The following WAPL variants were observed in gnomAD, a reference collection of about 807,000 sequenced individuals.
WAPL encodes the protein WAPL cohesin release factor, also known as wings apart-like protein homolog.
WAPL carries 5 observed loss-of-function variants against 121.0 expected under a neutral mutation model. The observed-to-expected ratio is 0.04, with a 90% CI of 0.02 to 0.09. WAPL has a LOEUF of 0.09. WAPL is among the 10% of genes least tolerant of loss of function. The pLI, the probability that WAPL is intolerant of heterozygous loss-of-function variation, is 1.00. For missense variants in WAPL, 999 were observed against 1,410.8 expected, an observed-to-expected ratio of 0.71 and a Z score of 4.68; for synonymous variants, 480 against 481.5, an observed-to-expected ratio of 1.00 and a Z score of 0.04.
intron 2 of WAPL, among the ~76,000 whole-genome samples, chr10:86,505,158 G>T (rs897821148): frequency 6.9e-6 from 1 of 145,038 alleles, no homozygotes; most frequent in Non-Finnish European, 1.5e-5. Context: ...AAGCTGTAGA[G>T]TTTTTTTTTC....
At position 86,435,979 on chromosome 10, in the gene WAPL, C is replaced by T. The variant is rs746798534; in HGVS notation, c.*1564G>A. The T allele has an allele frequency of 3.9e-5, 6 of 152,358 alleles. No individual in the cohort carries two copies. In the South Asian group the frequency reaches 6.2e-4, roughly 16 times the overall value. 9.4% of individuals were successfully genotyped at this position (152,358 alleles called of 1,614,324 possible). A position where few individuals can be genotyped will look rare whatever the true frequency, so the allele number is the denominator to read the frequency against. On this transcript the variant is annotated 3_prime_UTR_variant, in exon 19 of 19. Coordinates refer to ENST00000298767, the MANE Select transcript of WAPL (RefSeq NM_015045.5). ...GCAAATACAATCTCAATGGTTCCCACGTTACACTGGCGTACTATGTTCTTA... is the reference window on the plus strand; with the variant it reads ...GCAAATACAATCTCAATGGTTCCCATGTTACACTGGCGTACTATGTTCTTA...
At chr10:86,444,043 C>G (rs1053726692) in intron 16 of WAPL, 6 of 152,214 alleles carry the variant, frequency 3.9e-5, no homozygotes, top group Non-Finnish European at 5.9e-5. Context: ...AAAAACAACC[C>G]ACAAAACCGG....
At chr10:86,497,341 T>A (rs775988264) in intron 3 of WAPL, 22 bp from the exon 4 acceptor site, 1 of 1,536,520 alleles carries the variant, frequency 6.5e-7, no homozygotes, top group Non-Finnish European at 8.9e-7. Flanking sequence ...ATCAAAACTA[T>A]CTAGCTTACT....
chr10:86,466,262 A>C (rs534224000), intron 9 of WAPL, among the ~76,000 whole-genome samples: 3 of 152,298 alleles, frequency 2.0e-5, no homozygotes, highest in African/African-American at 7.2e-5. Context: ...TGGGATAAAT[A>C]GATGCTTGCT....
chr10:86,479,469 G>A (rs1461125344), intron 4 of WAPL, among the ~76,000 whole-genome samples: 2 of 152,202 alleles, frequency 1.3e-5, no homozygotes, highest in Non-Finnish European at 2.9e-5. Flanking sequence ...GGCCAGGCTG[G>A]TCTTGAACTC....
intron 16 of WAPL, among the ~76,000 whole-genome samples, chr10:86,444,746 T>C (rs1415158283): frequency 6.6e-6 from 1 of 151,940 alleles, no homozygotes; most frequent in Non-Finnish European, 1.5e-5. Context: ...TTGGAATTAG[T>C]GGTGATGGCA....
Position 86,517,925 on chromosome 10 carries a change from G to A in WAPL, c.145C>T (p.Pro49Ser), listed in dbSNP as rs1443840857. 1.3e-5 allele frequency: 21 copies of A among 1,614,094 alleles called. No individual in the cohort carries two copies. Among genetic ancestry groups the A allele is most frequent in the Non-Finnish European group, 1.7e-5 (20 of 1,179,998 alleles). Residue 49 changes from proline to serine, a missense_variant, in exon 2 of 19, where the codon CCC (proline) becomes TCC (serine). Pro to Ser is a moderately conservative substitution (Grantham distance 74). Around this residue, in one of 7 missense-constraint regions of WAPL, gnomAD observed 531 missense variants for 563.1 expected, o/e 0.94. Coordinates refer to ENST00000298767, the MANE Select transcript of WAPL (RefSeq NM_015045.5). The part of the protein sequence containing the change: ...TFMAKLGQKR[P>S]NFKPDIQEIP... ...TCTTGGATATCTGGTTTGAAATTGG[G>A]CCTCTTCTGCCCTAATTTAGCCATA...
At chr10:86,454,997 C>G (rs1293113293) in intron 12 of WAPL, among the ~76,000 whole-genome samples, 1 of 137,346 alleles carries the variant, frequency 7.3e-6, no homozygotes, top group South Asian at 2.5e-4. Context: ...CGTCTCCGCC[C>G]GGCAGCCACC....
intron 8 of WAPL, among the ~76,000 whole-genome samples, chr10:86,468,554 A>T (rs1379677061): frequency 6.6e-6 from 1 of 152,230 alleles, no homozygotes; most frequent in Non-Finnish European, 1.5e-5. Context: ...TAATTTAAAT[A>T]ATAATTTTAA....
At position 86,521,374 on chromosome 10, in the gene WAPL, C is replaced by T. The variant is rs527414772; in HGVS notation, c.-32G>A. ...CCGACACCTCACTTACCCTCGGAGC[C>T]TGGCGGGTGCTTTGGCCACGGGCCG... On this transcript the variant is annotated 5_prime_UTR_variant, in exon 1 of 19. Transcript: ENST00000298767. 4.9e-4 allele frequency: 140 copies of T among 286,594 alleles called. No individual in the cohort carries two copies. Among genetic ancestry groups the T allele is most frequent in the South Asian group, 3.6e-3 (134 of 36,772 alleles). The allele number at this position is 286,594 out of a possible 1,614,324, so 17.8% of individuals were successfully genotyped here.
chr10:86,518,253 TTTA>T (rs776611638), intron 1 of WAPL, among the ~76,000 whole-genome samples, 162 bp from the exon 2 acceptor site: 4 of 152,188 alleles, frequency 2.6e-5, no homozygotes, highest in African/African-American at 4.8e-5. Flanking sequence ...GAAAGGCTGA[TTTA>T]TTACCCTACA....
intron 4 of WAPL, among the ~76,000 whole-genome samples, chr10:86,490,066 T>C (rs1411495097): frequency 2.6e-5 from 4 of 151,858 alleles, no homozygotes; most frequent in Admixed American, 2.6e-4. Flanking sequence ...ATACAAAAAT[T>C]AGCCGGGCAT....
intron 2 of WAPL, among the ~76,000 whole-genome samples, chr10:86,501,145 C>T (rs1317210419): frequency 1.3e-5 from 2 of 152,126 alleles, no homozygotes; most frequent in Admixed American, 1.3e-4. Context: ...TAATAAAAAC[C>T]TTCTACCAGT....
chr10:86,456,155 G>A lies in WAPL; in HGVS notation c.2658-2324C>T, dbSNP rs528636269. ...CAGAGTGTCTTGCAAGCTGTCACAG[G>A]GGTACTAAGCTGAGAGAAGGACCTT... On this transcript the variant is annotated intron_variant, in intron 12 of 18. Transcript: ENST00000298767. Among the ~76,000 whole-genome samples the A allele has an allele frequency of 7.2e-5, 11 of 152,224 alleles. No homozygotes were observed. The East Asian group carries it at 2.1e-3, about 29-fold the overall frequency.
At chr10:86,440,545 C>T (rs569588920) in intron 17 of WAPL, among the ~76,000 whole-genome samples, 2 of 152,216 alleles carry the variant, frequency 1.3e-5, no homozygotes, top group East Asian at 3.9e-4. Flanking sequence ...GTGATCTGCC[C>T]ACCTTGGCCT....
chr10:86,462,379 C>T (rs1841299509), intron 9 of WAPL, among the ~76,000 whole-genome samples: 1 of 152,000 alleles, frequency 6.6e-6, no homozygotes, highest in Admixed American at 6.5e-5. Flanking sequence ...TAAGACTGCA[C>T]ATTTAGAAAA....
intron 1 of WAPL, 108 bp from the exon 2 acceptor site, chr10:86,518,199 C>A: frequency 9.3e-7 from 1 of 1,074,610 alleles, no homozygotes; most frequent in South Asian, 1.8e-5. Flanking sequence ...TTGACACTCA[C>A]CACACAGACT....
chr10:86,516,914 C>T (rs370297039), intron 2 of WAPL, among the ~76,000 whole-genome samples: 65 of 152,206 alleles, frequency 4.3e-4, no homozygotes, highest in African/African-American at 1.5e-3. Context: ...GAAACCCTGT[C>T]TCTACTAAAA....
chr10:86,473,143 C>T (rs1207841944), intron 5 of WAPL, among the ~76,000 whole-genome samples: 1 of 152,078 alleles, frequency 6.6e-6, no homozygotes, highest in Non-Finnish European at 1.5e-5. Flanking sequence ...ATTTTAGTAG[C>T]ACAAGAGTGT....
Sources: allele counts gnomAD v4.1 joint callset (sites outside exome capture counted in the v4.1 genomes callset), GRCh38; gene constraint gnomAD v4.1.1; regional missense constraint gnomAD v4.1.1; transcripts MANE v1.5; gene names NCBI Gene and HGNC (gene_info 2026-07-23, HGNC 2026-07-21).